PCLO: variants seen among roughly 807,000 people sequenced by gnomAD.
PCLO encodes protein piccolo.
Under a neutral mutation model 427.5 loss-of-function variants are expected in PCLO, and 82 were observed. The observed-to-expected ratio is 0.19, with a 90% CI of 0.16 to 0.23. The LOEUF is 0.23. Ranked by LOEUF, PCLO falls within the 10% of genes least tolerant of loss-of-function variation. The probability of loss-of-function intolerance (pLI) is 1.00; values close to 1 mark genes in which losing one functional copy is unlikely to be tolerated. For missense variants in PCLO, 6,239 were observed against 6,115.9 expected (o/e 1.02, Z -0.67); for synonymous variants, 2,357 against 2,155.4 (o/e 1.09, Z -2.59).
intron 2 of PCLO, among the ~76,000 whole-genome samples, chr7:83,149,360 T>C (rs1377314101): frequency 6.6e-6 from 1 of 152,204 alleles, no homozygotes; most frequent in Non-Finnish European, 1.5e-5. Context: ...ATTTTCTTTC[T>C]ACCTTCAAGG....
chr7:82,950,821 T>C lies in PCLO; in HGVS notation c.9767A>G (p.Lys3256Arg). ...CTTCATAGACTGCAGCTCCTCCAAC[T>C]TTTTCTGAACCATGATCTTTTCTTG... ...REQEKIMVQK[K>R]LEELQSMKQH... Residue 3256 changes from lysine (K) to arginine (R), a missense_variant, in exon 6 of 25, where the codon AAG becomes AGG. By Grantham distance (26) the Lys-to-Arg change is conservative. This residue lies in a region of PCLO where 4,677 missense variants were observed against 4,468.4 expected (regional missense o/e 1.05). Transcript: ENST00000333891. 1 of 1,613,636 alleles carries C rather than the reference T, an allele frequency of 6.2e-7. No individual in the cohort carries two copies. Among genetic ancestry groups the C allele is most frequent in the East Asian group, 2.2e-5 (1 of 44,856 alleles).
chr7:83,156,120 T>G lies in PCLO; in HGVS notation c.521A>C (p.Asn174Thr). Residue 174 changes from asparagine (N) to threonine (T), a missense_variant, in exon 2 of 25, where the codon AAC becomes ACC. By Grantham distance (65) the Asn-to-Thr change is moderately conservative. Around this residue, in one of 5 missense-constraint regions of PCLO, gnomAD observed 4,677 missense variants for 4,468.4 expected, o/e 1.05. Transcript: ENST00000333891. Reference sequence around the variant, plus strand: ...AGAGTCTGATATCAAATCAAAAGGGTTGAATTTATTTACAACAGAGGAAAC... The same window carrying G: ...AGAGTCTGATATCAAATCAAAAGGGGTGAATTTATTTACAACAGAGGAAAC... ...SAVSSVVNKF[N>T]PFDLISDSEA... is the part of the protein sequence containing the mutation. 14 of 1,613,706 alleles carry G rather than the reference T, an allele frequency of 8.7e-6. No individual in the cohort carries two copies. The highest frequency in any genetic ancestry group is 1.1e-5 in the Non-Finnish European group (13 of 1,179,834).
rs377422284 is a variant in PCLO, at chr7:83,162,337, G to A, written c.248+8C>T. The A allele has an allele frequency of 3.0e-5, 48 of 1,593,400 alleles. No homozygotes were observed. The Middle Eastern group carries it at 6.6e-4, about 22-fold the overall frequency. On this transcript the variant is annotated splice_region_variant and intron_variant, in intron 1 of 24. Coordinates refer to ENST00000333891, the MANE Select transcript of PCLO (RefSeq NM_033026.6). The stretch of plus-strand genomic sequence containing the variant: ...TATGCCCGGACATATACATCATGCT[G>A]TGCATGCCTGTGCATGGAAGGCGAC...
In PCLO at chr7:83,096,963, T is replaced by TATATTATATATTATATAA. The variant is rs1562962331; in HGVS notation, c.3300+37286_3300+37287insTTATATAATATATAATAT. ...ATTATATATTATATAAATAATATAA[T>TATATTATATATTATATAA]ATAATATATTATATATTATATAAAT... is the stretch of plus-strand genomic sequence containing the variant. On this transcript the variant is annotated intron_variant, in intron 3 of 24. Transcript: ENST00000333891. 6.0e-3 allele frequency among the ~76,000 whole-genome samples: 269 copies of TATATTATATATTATATAA among 44,696 alleles called. 67 individuals are homozygous for TATATTATATATTATATAA. Among genetic ancestry groups the TATATTATATATTATATAA allele is most frequent in the African/African-American group, 0.042 (258 of 6,166 alleles). 29.3% of individuals were successfully genotyped at this position (44,696 alleles called of 152,430 possible).
chr7:83,003,239 G>A lies in PCLO; in HGVS notation c.3301-36752C>T, dbSNP rs112515015. Among the ~76,000 whole-genome samples, 206 of 150,784 alleles carry A rather than the reference G, an allele frequency of 1.4e-3. 3 individuals are homozygous for A. Among genetic ancestry groups the A allele is most frequent in the African/African-American group, 4.7e-3 (194 of 41,206 alleles). The stretch of plus-strand genomic sequence containing the variant: ...CAAATATATATTATTTTATGCATAC[G>A]TTTATATGTAATATTATATACTAAT... On this transcript the variant is annotated intron_variant, in intron 3 of 24. Transcript: ENST00000333891.
intron 3 of PCLO, among the ~76,000 whole-genome samples, chr7:82,985,701 A>G (rs748456862): frequency 4.6e-5 from 7 of 152,012 alleles, no homozygotes; most frequent in Non-Finnish European, 1.0e-4. Context: ...TAAAAATATT[A>G]TAGATCAAAT....
chr7:83,044,423 C>T (rs1378944373), intron 3 of PCLO, among the ~76,000 whole-genome samples: 4 of 152,158 alleles, frequency 2.6e-5, no homozygotes, highest in Non-Finnish European at 4.4e-5. Flanking sequence ...AAGTAGCTAG[C>T]ACTTTCCACA....
Position 83,056,912 on chromosome 7 carries a change from T to A in PCLO, c.3300+77338A>T, listed in dbSNP as rs1050903670. Among the ~76,000 whole-genome samples the A allele has an allele frequency of 2.0e-5, 3 of 152,004 alleles. No homozygotes were observed. The Admixed American group carries it at 2.0e-4, about 10-fold the overall frequency. On this transcript the variant is annotated intron_variant, in intron 3 of 24. Transcript: ENST00000333891. ...CTTCTCTTTTGACAGCTTTTAATTG[T>A]TTGGACTACTGCAAATAGTATGGCT...
At chr7:83,137,582 C>G (rs1045406716) in intron 2 of PCLO, among the ~76,000 whole-genome samples, 1 of 152,092 alleles carries the variant, frequency 6.6e-6, no homozygotes, top group Non-Finnish European at 1.5e-5. Flanking sequence ...AGGCGCCCAC[C>G]ACCACGCCCG....
chr7:82,906,608 G>C (rs1402843054), intron 8 of PCLO, among the ~76,000 whole-genome samples: 1 of 151,960 alleles, frequency 6.6e-6, no homozygotes, highest in Admixed American at 6.6e-5. Context: ...ACAAATTATT[G>C]TCACAAAAGT....
intron 21 of PCLO, among the ~76,000 whole-genome samples, chr7:82,802,867 A>G (rs1791386078): frequency 6.6e-6 from 1 of 152,156 alleles, no homozygotes; most frequent in African/African-American, 2.4e-5. Context: ...CACATAATAA[A>G]AGAACACATG....
Position 82,956,118 on chromosome 7 carries a change from G to T in PCLO, c.4835C>A (p.Thr1612Asn). 1 of 1,609,626 alleles carries T rather than the reference G, an allele frequency of 6.2e-7. No individual in the cohort carries two copies. ...KITAGKHRRL[T>N]RKSSTSIDED... ...ATCAATGCTTGTGCTACTTTTTCGA[G>T]TCAGTCGTCTGTGTTTCCCTGCTGT... is the stretch of plus-strand genomic sequence containing the variant. Residue 1612 changes from threonine (T) to asparagine (N), a missense_variant, in exon 5 of 25, where the codon ACT (threonine) becomes AAT (asparagine). Around this residue, in one of 5 missense-constraint regions of PCLO, gnomAD observed 4,677 missense variants for 4,468.4 expected, o/e 1.05. Coordinates refer to ENST00000333891, the MANE Select transcript of PCLO (RefSeq NM_033026.6).
intron 6 of PCLO, among the ~76,000 whole-genome samples, chr7:82,947,709 T>A (rs901162190): frequency 2.0e-5 from 3 of 152,138 alleles, no homozygotes; most frequent in Admixed American, 6.5e-5. Context: ...TCAAAACACC[T>A]AGGGTTTTTC....
At chr7:83,037,039 A>C (rs1450858249) in intron 3 of PCLO, among the ~76,000 whole-genome samples, 2 of 152,154 alleles carry the variant, frequency 1.3e-5, no homozygotes, top group Non-Finnish European at 2.9e-5. Flanking sequence ...TGTTGAACAA[A>C]GGTACAAGAA....
intron 10 of PCLO, among the ~76,000 whole-genome samples, chr7:82,850,367 C>T (rs534684771): frequency 4.0e-4 from 61 of 152,044 alleles, no homozygotes; most frequent in South Asian, 3.1e-3. Context: ...TATGTAGCAT[C>T]GATGATAGGA....
chr7:82,929,745 AC>A (rs1235745779), intron 6 of PCLO, among the ~76,000 whole-genome samples: 1 of 152,160 alleles, frequency 6.6e-6, no homozygotes, highest in Non-Finnish European at 1.5e-5. Context: ...ATGTTCAAAA[AC>A]TACTATTATT....
intron 6 of PCLO, among the ~76,000 whole-genome samples, chr7:82,927,014 C>T (rs1010897548): frequency 6.6e-6 from 1 of 152,106 alleles, no homozygotes; most frequent in African/African-American, 2.4e-5. Flanking sequence ...TTCTGTTTAA[C>T]AGACAAAATA....
At chr7:83,021,339 T>C (rs1251841658) in intron 3 of PCLO, among the ~76,000 whole-genome samples, 1 of 152,198 alleles carries the variant, frequency 6.6e-6, no homozygotes, top group Non-Finnish European at 1.5e-5. Flanking sequence ...CTAGCGGTCC[T>C]ACAATATCAG....
At chr7:82,995,910 A>T (rs181747135) in intron 3 of PCLO, among the ~76,000 whole-genome samples, 1 of 152,074 alleles carries the variant, frequency 6.6e-6, no homozygotes, top group African/African-American at 2.4e-5. Context: ...ACAAATGTCT[A>T]TTGGAAGAAT....
Sources: gnomAD v4.1 joint callset for allele counts (sites outside exome capture counted in the v4.1 genomes callset) on GRCh38, gnomAD v4.1.1 for gene constraint, gnomAD v4.1.1 regional missense constraint, MANE v1.5 for transcripts, NCBI Gene and HGNC (gene_info 2026-07-23, HGNC 2026-07-21) for gene names.